SEMA3E: variants seen among roughly 807,000 people sequenced by gnomAD.
SEMA3E encodes the protein semaphorin 3E.
A neutral mutation model predicts 93.6 loss-of-function variants in SEMA3E; 49 were observed. The observed-to-expected ratio is 0.52, with a 90% CI of 0.42 to 0.66. The LOEUF (loss-of-function observed/expected upper bound fraction) is 0.66. Ranked by LOEUF, SEMA3E falls within the 30% of genes least tolerant of loss-of-function variation. The probability of loss-of-function intolerance (pLI) is 0.00; values close to 1 mark genes in which losing one functional copy is unlikely to be tolerated. For missense variants in SEMA3E, 906 were observed against 964.8 expected, an observed-to-expected ratio of 0.94 and a Z score of 0.81; for synonymous variants, 363 against 330.7, an observed-to-expected ratio of 1.10 and a Z score of -1.06.
intron 1 of SEMA3E, among the ~76,000 whole-genome samples, chr7:83,639,386 T>TA (rs1216533331): frequency 6.6e-6 from 1 of 152,106 alleles, no homozygotes; most frequent in East Asian, 1.9e-4. Flanking sequence ...CTGAACCTTC[T>TA]AAAAAATAAA....
chr7:83,643,894 G>A (rs954708361), intron 1 of SEMA3E, among the ~76,000 whole-genome samples: 1 of 151,884 alleles, frequency 6.6e-6, no homozygotes, highest in Non-Finnish European at 1.5e-5. Context: ...CTTATGACCA[G>A]TTTTTATTTA....
At chr7:83,482,177 C>T (rs1187054857) in intron 2 of SEMA3E, among the ~76,000 whole-genome samples, 1 of 152,014 alleles carries the variant, frequency 6.6e-6, no homozygotes, top group Admixed American at 6.6e-5. Context: ...GGATAGGTGG[C>T]TTGGGATGTA....
intron 4 of SEMA3E, among the ~76,000 whole-genome samples, chr7:83,440,014 G>C (rs747305877): frequency 6.6e-6 from 1 of 152,190 alleles, no homozygotes; most frequent in African/African-American, 2.4e-5. Context: ...TGTGCACAGC[G>C]TATGTTAATT....
At chr7:83,457,445 A>T (rs1223189104) in intron 4 of SEMA3E, among the ~76,000 whole-genome samples, 4 of 152,232 alleles carry the variant, frequency 2.6e-5, no homozygotes, top group African/African-American at 9.6e-5. Flanking sequence ...CTTGCTTGTA[A>T]GAACTTTGTA....
In SEMA3E at chr7:83,392,692, A is replaced by G. The variant is rs1451238942; in HGVS notation, c.1530T>C (p.Ala510=). The change falls in exon 14 of 17, where the codon GCT becomes GCC. Residue 510 remains alanine (A), a synonymous_variant. Coordinates refer to ENST00000643230, the MANE Select transcript of SEMA3E (RefSeq NM_012431.3). ...AGTGATGGAATCTGACTTGAGCCAC[A>G]GCAGAAGCAGATCCAATATACAGCT... ...RQQLYIGSAS[A]VAQVRFHHCD... 6.2e-7 allele frequency: 1 copy of G among 1,613,810 alleles called. No homozygotes were observed. Among genetic ancestry groups the G allele is most frequent in the Non-Finnish European group, 8.5e-7 (1 of 1,179,870 alleles).
intron 1 of SEMA3E, among the ~76,000 whole-genome samples, chr7:83,570,757 T>C (rs1013383456): frequency 2.0e-5 from 3 of 151,388 alleles, no homozygotes; most frequent in African/African-American, 7.3e-5. Context: ...GTTCTTTTAA[T>C]TGGTTCTTTG....
chr7:83,568,016 C>A (rs1292528803), intron 1 of SEMA3E, among the ~76,000 whole-genome samples: 1 of 151,492 alleles, frequency 6.6e-6, no homozygotes, highest in East Asian at 1.9e-4. Flanking sequence ...AAAAAAAACT[C>A]CAATAAATAA....
At chr7:83,575,730 T>G (rs2115886105) in intron 1 of SEMA3E, among the ~76,000 whole-genome samples, 1 of 152,306 alleles carries the variant, frequency 6.6e-6, no homozygotes, top group African/African-American at 2.4e-5. Flanking sequence ...TTTTCTTTGG[T>G]TTTTCTAGCT....
chr7:83,602,784 C>T (rs1289497577), intron 1 of SEMA3E, among the ~76,000 whole-genome samples: 1 of 152,086 alleles, frequency 6.6e-6, no homozygotes, highest in Non-Finnish European at 1.5e-5. Context: ...CCTAGAAGCA[C>T]TCTTAAATAT....
At position 83,402,785 on chromosome 7, in the gene SEMA3E, T is replaced by C. The variant is rs776954864; in HGVS notation, c.999-9A>G. On this transcript the variant is annotated splice_polypyrimidine_tract_variant and intron_variant, in intron 9 of 16. Transcript: ENST00000643230. ...GCCCTCGAAAAATATTACTGAAAAATACAAAAAAGATAATTATTCTTCTGG... is the reference window on the plus strand; with the variant it reads ...GCCCTCGAAAAATATTACTGAAAAACACAAAAAAGATAATTATTCTTCTGG... 1.2e-6 allele frequency: 2 copies of C among 1,610,084 alleles called. No homozygotes were observed. The highest frequency in any genetic ancestry group is 1.7e-5 in the Admixed American group (1 of 59,704).
At chr7:83,484,018 G>T (rs190989534) in intron 2 of SEMA3E, among the ~76,000 whole-genome samples, 31 of 152,168 alleles carry the variant, frequency 2.0e-4, no homozygotes, top group Non-Finnish European at 4.0e-4. Context: ...ACCTTTCCAA[G>T]ACCTCAAACC....
At chr7:83,503,977 T>C (rs899684421) in intron 1 of SEMA3E, among the ~76,000 whole-genome samples, 1 of 152,130 alleles carries the variant, frequency 6.6e-6, no homozygotes, top group Admixed American at 6.5e-5. Context: ...TGACCTCTAA[T>C]AAAGACCGTC....
At chr7:83,540,465 T>C (rs1791503548) in intron 1 of SEMA3E, among the ~76,000 whole-genome samples, 2 of 152,192 alleles carry the variant, frequency 1.3e-5, no homozygotes, top group Non-Finnish European at 2.9e-5. Flanking sequence ...GATAATATTT[T>C]TCCCTTAGAC....
intron 1 of SEMA3E, among the ~76,000 whole-genome samples, chr7:83,553,239 T>C (rs1273630541): frequency 1.3e-5 from 2 of 152,134 alleles, no homozygotes; most frequent in East Asian, 1.9e-4. Flanking sequence ...CGTTGAAATA[T>C]TGGGGGTGGG....
chr7:83,498,212 A>G (rs1790527190), intron 1 of SEMA3E, among the ~76,000 whole-genome samples: 1 of 152,120 alleles, frequency 6.6e-6, no homozygotes, highest in Admixed American at 6.6e-5. Context: ...ACAGTAGGCT[A>G]TTAGTAATGT....
At chr7:83,394,706 T>C (rs1788087034) in intron 12 of SEMA3E, among the ~76,000 whole-genome samples, 1 of 152,156 alleles carries the variant, frequency 6.6e-6, no homozygotes, top group African/African-American at 2.4e-5. Context: ...AATGAAACCA[T>C]TGTGTCTTTC....
chr7:83,443,051 G>A (rs529304456), intron 4 of SEMA3E, among the ~76,000 whole-genome samples: 2 of 152,284 alleles, frequency 1.3e-5, no homozygotes, highest in South Asian at 4.1e-4. Flanking sequence ...CTGAGAGCCA[G>A]AATTTGAGCA....
rs1584379185 is a variant in SEMA3E, at chr7:83,636,607, T to C, written c.115+11821A>G. Reference sequence around the variant, plus strand: ...AATTGTGAATTTGTAGTAATCATATTTCTCATACAAAAAATCTGAAAATTC... The same window carrying C: ...AATTGTGAATTTGTAGTAATCATATCTCTCATACAAAAAATCTGAAAATTC... On this transcript the variant is annotated intron_variant, in intron 1 of 16. Coordinates refer to ENST00000643230, the MANE Select transcript of SEMA3E (RefSeq NM_012431.3). Among the ~76,000 whole-genome samples, 4 of 152,268 alleles carry C rather than the reference T, an allele frequency of 2.6e-5. 1 individual carries two copies. The highest frequency in any genetic ancestry group is 9.6e-5 in the African/African-American group (4 of 41,534).
chr7:83,391,471 G>C (rs1276144643), intron 14 of SEMA3E, among the ~76,000 whole-genome samples: 1 of 152,050 alleles, frequency 6.6e-6, no homozygotes. Flanking sequence ...TATTCTTCAA[G>C]AATTGTTTTC....
Sources: allele counts gnomAD v4.1 joint callset (sites outside exome capture counted in the v4.1 genomes callset), GRCh38; gene constraint gnomAD v4.1.1; transcripts MANE v1.5; gene names NCBI Gene and HGNC (gene_info 2026-07-23, HGNC 2026-07-21).